The following RPN1 variants were observed in gnomAD, a reference collection of about 807,000 sequenced individuals.
RPN1 encodes ribophorin I.
A neutral mutation model predicts 55.5 loss-of-function variants in RPN1; 12 were observed. The ratio of observed to expected loss-of-function variants is 0.22; its 90% CI spans 0.14 to 0.35. RPN1 has a LOEUF of 0.35. Among genes scored for constraint, RPN1 ranks in the 10% least tolerant of loss-of-function variants. The pLI is 1.00. For missense variants in RPN1, 679 were observed against 761.3 expected, an observed-to-expected ratio of 0.89 and a Z score of 1.27; for synonymous variants, 317 against 305.9, an observed-to-expected ratio of 1.04 and a Z score of -0.38.
At chr3:128,638,902 G>T (rs2069703681) in intron 2 of RPN1, among the ~76,000 whole-genome samples, 1 of 151,902 alleles carries the variant, frequency 6.6e-6, no homozygotes, top group East Asian at 2.0e-4. Context: ...GGAGGCGGAG[G>T]TTGCAGTGAG....
At chr3:128,620,643 A>T (rs1281962160) in intron 9 of RPN1, 50 bp from the exon 10 acceptor site, 2 of 1,565,612 alleles carry the variant, frequency 1.3e-6, no homozygotes, top group Non-Finnish European at 8.7e-7. Flanking sequence ...CTCCCACCCC[A>T]CTCAGCAGGC....
intron 2 of RPN1, among the ~76,000 whole-genome samples, chr3:128,644,327 G>T (rs1314658387): frequency 1.3e-5 from 2 of 152,118 alleles, no homozygotes; most frequent in African/African-American, 4.8e-5. Flanking sequence ...ATATATTACA[G>T]CATGTTGCTT....
Position 128,620,168 on chromosome 3 carries a change from A to G in RPN1, c.*243T>C, listed in dbSNP as rs2069547754. 1 of 350,440 alleles carries G rather than the reference A, an allele frequency of 2.9e-6. No homozygotes were observed. Among genetic ancestry groups the G allele is most frequent in the Admixed American group, 4.7e-5 (1 of 21,284 alleles). 21.7% of individuals were successfully genotyped at this position (350,440 alleles called of 1,614,324 possible). A position where few individuals can be genotyped will look rare whatever the true frequency, so the allele number is the denominator to read the frequency against. On this transcript the variant is annotated 3_prime_UTR_variant, in exon 10 of 10. Coordinates refer to ENST00000296255, the MANE Select transcript of RPN1 (RefSeq NM_002950.4). ...GAAAATTCCTTTGTTCAAAACACAA[A>G]GATGTTTTGTTTTTAATGGGAGTTT...
rs141090069 is a variant in RPN1, at chr3:128,643,110, T to G, written c.326+1809A>C. Among the ~76,000 whole-genome samples the G allele has an allele frequency of 8.2e-4, 125 of 151,544 alleles. 2 individuals are homozygous for G. The highest frequency in any genetic ancestry group is 2.9e-3 in the African/African-American group (120 of 41,280). Reference sequence around the variant, plus strand: ...GGGAGGCCAAGACGGGCAGATCACCTGAGGTCAGGAGTTGGAGAACAGTCT... The same window carrying G: ...GGGAGGCCAAGACGGGCAGATCACCGGAGGTCAGGAGTTGGAGAACAGTCT... On this transcript the variant is annotated intron_variant, in intron 2 of 9. Transcript: ENST00000296255.
chr3:128,635,725 A>G (rs979468869), intron 3 of RPN1, among the ~76,000 whole-genome samples: 1 of 147,788 alleles, frequency 6.8e-6, no homozygotes, highest in Non-Finnish European at 1.5e-5. Context: ...ACGTGTATAT[A>G]TAAAAAACAA....
chr3:128,646,544 G>A (rs967082888), intron 1 of RPN1, among the ~76,000 whole-genome samples: 5 of 151,932 alleles, frequency 3.3e-5, no homozygotes, highest in African/African-American at 7.3e-5. Flanking sequence ...ACAATTAGCT[G>A]GGCGTGGTGG....
intron 3 of RPN1, among the ~76,000 whole-genome samples, chr3:128,635,662 T>TATATATAG (rs1559755887): frequency 2.7e-5 from 3 of 110,186 alleles, no homozygotes; most frequent in African/African-American, 9.7e-5. Context: ...TATATATATA[T>TATATATAG]ATAGATATCT....
chr3:128,625,459 T>C, intron 8 of RPN1, 75 bp downstream of exon 8: 1 of 1,608,648 alleles, frequency 6.2e-7, no homozygotes, highest in Non-Finnish European at 8.5e-7. Flanking sequence ...GGGCTCACTG[T>C]GAGGATCAGT....
intron 2 of RPN1, among the ~76,000 whole-genome samples, chr3:128,641,285 A>G (rs1019485351): frequency 4.6e-5 from 7 of 152,242 alleles, no homozygotes; most frequent in African/African-American, 1.7e-4. Flanking sequence ...AGAAATGAAT[A>G]AAATGGTAAG....
chr3:128,633,944 C>T (rs1296863200), intron 3 of RPN1, among the ~76,000 whole-genome samples: 1 of 152,096 alleles, frequency 6.6e-6, no homozygotes, highest in African/African-American at 2.4e-5. Context: ...GATTGTGCCA[C>T]TGCACTCCAG....
chr3:128,634,880 A>C (rs1406459392), intron 3 of RPN1, among the ~76,000 whole-genome samples: 1 of 152,042 alleles, frequency 6.6e-6, no homozygotes, highest in African/African-American at 2.4e-5. Context: ...CGTTCTATTA[A>C]CTTAAAATGG....
Position 128,620,229 on chromosome 3 carries a change from G to T in RPN1, c.*182C>A. 13 of 377,644 alleles carry T rather than the reference G, an allele frequency of 3.4e-5. No homozygotes were observed. Among genetic ancestry groups the T allele is most frequent in the South Asian group, 1.3e-4 (1 of 7,560 alleles). 23.4% of individuals were successfully genotyped at this position (377,644 alleles called of 1,614,324 possible). A position where few individuals can be genotyped will look rare whatever the true frequency, so the allele number is the denominator to read the frequency against. The stretch of plus-strand genomic sequence containing the variant: ...TTCTTTTTTTAAAAAAAAAAAAAAA[G>T]AAAGTTAAGGACAAACGGCAAACTC... On this transcript the variant is annotated 3_prime_UTR_variant, in exon 10 of 10. Transcript: ENST00000296255.
chr3:128,635,920 C>T (rs2069678836), intron 3 of RPN1, among the ~76,000 whole-genome samples: 2 of 151,408 alleles, frequency 1.3e-5, no homozygotes, highest in South Asian at 4.2e-4. Flanking sequence ...TTACATACAA[C>T]TTGTTATATA....
At position 128,650,745 on chromosome 3, in the gene RPN1, G is replaced by T; in HGVS notation, c.56C>A (p.Pro19Gln). The T allele has an allele frequency of 6.4e-7, 1 of 1,552,568 alleles. No individual in the cohort carries two copies. The highest frequency in any genetic ancestry group is 2.4e-5 in the East Asian group (1 of 41,444). ...CTCGGAGGAGGCGCTGCCCGGCGCC[G>T]GGGCCCAAGTCCCAAGCAACAGGAG... ...FLLLLLGTWAPAPGSASSEAP... is the reference protein window; with the variant it reads ...FLLLLLGTWAQAPGSASSEAP... The change falls in exon 1 of 10, where the codon CCG becomes CAG. Residue 19 changes from proline (P) to glutamine (Q), a missense_variant. By Grantham distance (76) the Pro-to-Gln change is moderately conservative. This residue lies in a region of RPN1 where 352 missense variants were observed against 352.8 expected (regional missense o/e 1.00). Transcript: ENST00000296255.
chr3:128,635,039 TGTCATCTTCACAGTG>T (rs2069666677), intron 3 of RPN1, among the ~76,000 whole-genome samples: 1 of 152,124 alleles, frequency 6.6e-6, no homozygotes, highest in Non-Finnish European at 1.5e-5. Flanking sequence ...GTGGCAAGGC[TGTCATCTTCACAGTG>T]GGCACGTGGG....
At chr3:128,641,302 A>G (rs2069723005) in intron 2 of RPN1, among the ~76,000 whole-genome samples, 1 of 152,182 alleles carries the variant, frequency 6.6e-6, no homozygotes, top group African/African-American at 2.4e-5. Context: ...TAAGCTATGA[A>G]AAAAAATTTT....
intron 1 of RPN1, among the ~76,000 whole-genome samples, chr3:128,646,214 C>CT (rs2069766650): frequency 7.8e-6 from 1 of 128,966 alleles, no homozygotes; most frequent in African/African-American, 3.1e-5. Context: ...CAGAGTGAGA[C>CT]TCCGTCTCAA....
chr3:128,648,917 G>A (rs1418338970), intron 1 of RPN1, among the ~76,000 whole-genome samples: 4 of 152,178 alleles, frequency 2.6e-5, no homozygotes, highest in Non-Finnish European at 5.9e-5. Flanking sequence ...CATGTAAGGG[G>A]CTAAATAACT....
chr3:128,622,165 C>T lies in RPN1; in HGVS notation c.1640G>A (p.Arg547Lys), dbSNP rs1370903232. The change falls in exon 9 of 10, where the codon AGA becomes AAA. Residue 547 changes from arginine (R) to lysine (K), a missense_variant and splice_region_variant. Physicochemically the swap from Arg to Lys is conservative, Grantham distance 26. Coordinates refer to ENST00000296255, the MANE Select transcript of RPN1 (RefSeq NM_002950.4). ...AACTCTGTGACGCCCGACACTTACT[C>T]TGTCGCACAGATCAGAGCCCTCTGT... Reference protein sequence around the residue: ...LKTEGSDLCDRVSEMQKLDAQ... With the variant: ...LKTEGSDLCDKVSEMQKLDAQ... The T allele has an allele frequency of 1.2e-6, 2 of 1,614,122 alleles. No individual in the cohort carries two copies. The highest frequency in any genetic ancestry group is 8.5e-7 in the Non-Finnish European group (1 of 1,179,982).
Sources: allele counts gnomAD v4.1 joint callset (sites outside exome capture counted in the v4.1 genomes callset), GRCh38; gene constraint gnomAD v4.1.1; regional missense constraint gnomAD v4.1.1; transcripts MANE v1.5; gene names NCBI Gene and HGNC (gene_info 2026-07-23, HGNC 2026-07-21).